KCNIP4: variants seen among roughly 807,000 people sequenced by gnomAD.
The protein encoded by KCNIP4 is Kv channel-interacting protein 4.
KCNIP4 carries 12 observed loss-of-function variants against 34.0 expected under a neutral mutation model. That is an observed-to-expected ratio of 0.35 (90% CI 0.23 to 0.57). The LOEUF (loss-of-function observed/expected upper bound fraction) is 0.57. KCNIP4 is among the 20% of genes least tolerant of loss of function. The pLI is 0.83. For missense variants in KCNIP4, 238 were observed against 311.7 expected, an observed-to-expected ratio of 0.76 and a Z score of 1.78; for synonymous variants, 124 against 102.2, an observed-to-expected ratio of 1.21 and a Z score of -1.29.
At chr4:21,664,028 T>C (rs551866064) in intron 1 of KCNIP4, among the ~76,000 whole-genome samples, 1 of 152,274 alleles carries the variant, frequency 6.6e-6, no homozygotes, top group African/African-American at 2.4e-5. Flanking sequence ...CACTGCAACC[T>C]CTGCCTCCCT....
chr4:21,302,008 CT>C (rs1711778160), intron 1 of KCNIP4, among the ~76,000 whole-genome samples: 1 of 152,106 alleles, frequency 6.6e-6, no homozygotes, highest in Non-Finnish European at 1.5e-5. Flanking sequence ...CTAACAATCA[CT>C]GGAAATCATA....
At chr4:20,770,485 A>C (rs892571587) in intron 3 of KCNIP4, among the ~76,000 whole-genome samples, 2 of 151,898 alleles carry the variant, frequency 1.3e-5, no homozygotes, top group Non-Finnish European at 2.9e-5. Flanking sequence ...AAAAAAAAAA[A>C]TACCGAGTAA....
intron 1 of KCNIP4, among the ~76,000 whole-genome samples, chr4:21,198,057 C>T (rs1239799049): frequency 6.6e-6 from 1 of 152,140 alleles, no homozygotes; most frequent in African/African-American, 2.4e-5. Context: ...ACCACTCTAG[C>T]CAAATACACA....
rs565138686 is a variant in KCNIP4, at chr4:21,712,169, T to C, written c.61+236402A>G. 2.3e-3 allele frequency among the ~76,000 whole-genome samples: 351 copies of C among 152,300 alleles called. 3 individuals are homozygous for C. Among genetic ancestry groups the C allele is most frequent in the Middle Eastern group, 3.4e-3 (1 of 294 alleles). ...AACACAACACACTTACTTAGAGCAA[T>C]AATAATAAATATTACAGAATAATAT... On this transcript the variant is annotated intron_variant, in intron 1 of 8. Transcript: ENST00000382152.
chr4:21,731,473 G>A (rs923247556), intron 1 of KCNIP4, among the ~76,000 whole-genome samples: 10 of 152,094 alleles, frequency 6.6e-5, no homozygotes, highest in Non-Finnish European at 4.4e-5. Flanking sequence ...TTCTAATCAC[G>A]CTGTATTTTA....
At chr4:21,189,017 G>A (rs1017055617) in intron 1 of KCNIP4, among the ~76,000 whole-genome samples, 1 of 152,132 alleles carries the variant, frequency 6.6e-6, no homozygotes, top group Admixed American at 6.5e-5. Context: ...GCATACTTGG[G>A]CAAAATTCTT....
chr4:21,862,689 AG>A (rs1335029106), intron 1 of KCNIP4, among the ~76,000 whole-genome samples: 1 of 152,180 alleles, frequency 6.6e-6, no homozygotes, highest in East Asian at 1.9e-4. Context: ...AACAGAATTA[AG>A]GGGCCCAGCG....
rs550560098 is a variant in KCNIP4 at position 21,720,279 on chromosome 4, AT to A, written c.61+228291del. On this transcript the variant is annotated intron_variant, in intron 1 of 8. Transcript: ENST00000382152. ...CATAAGTACAGTACATATTTCTCCA[AT>A]TTTTTTCATGTAAAATATAAATTGA... is the stretch of plus-strand genomic sequence containing the variant. Among the ~76,000 whole-genome samples, 418 of 151,984 alleles carry A rather than the reference AT, an allele frequency of 2.8e-3. 2 individuals are homozygous for A. The highest frequency in any genetic ancestry group is 9.3e-3 in the African/African-American group (384 of 41,470).
chr4:21,185,111 T>G (rs1281628913), intron 1 of KCNIP4, among the ~76,000 whole-genome samples: 2 of 152,222 alleles, frequency 1.3e-5, no homozygotes, highest in Non-Finnish European at 2.9e-5. Flanking sequence ...AGAATACACT[T>G]CACTTTTGGT....
At chr4:20,903,199 G>A (rs1442777326) in intron 1 of KCNIP4, among the ~76,000 whole-genome samples, 1 of 152,166 alleles carries the variant, frequency 6.6e-6, no homozygotes, top group African/African-American at 2.4e-5. Context: ...AAAGGCATAC[G>A]AGGAATTTAA....
At chr4:21,031,872 G>C (rs370724750) in intron 1 of KCNIP4, among the ~76,000 whole-genome samples, 1 of 152,166 alleles carries the variant, frequency 6.6e-6, no homozygotes, top group East Asian at 1.9e-4. Context: ...TAAAATGCCA[G>C]ATAGAAAATA....
At chr4:20,905,658 T>C (rs1727679879) in intron 1 of KCNIP4, among the ~76,000 whole-genome samples, 1 of 151,578 alleles carries the variant, frequency 6.6e-6, no homozygotes, top group Non-Finnish European at 1.5e-5. Flanking sequence ...ACTACAGACA[T>C]GTGTCACAAC....
At chr4:21,414,273 GA>G (rs1331154799) in intron 1 of KCNIP4, among the ~76,000 whole-genome samples, 19 of 152,000 alleles carry the variant, frequency 1.3e-4, no homozygotes, top group Non-Finnish European at 1.8e-4. Context: ...ATATCTTAGA[GA>G]AAAAAAGTAT....
chr4:21,608,498 A>G (rs929151193), intron 1 of KCNIP4, among the ~76,000 whole-genome samples: 3 of 152,118 alleles, frequency 2.0e-5, no homozygotes, highest in African/African-American at 7.2e-5. Flanking sequence ...AAAGGCATCA[A>G]TGGTGGCCGA....
intron 1 of KCNIP4, among the ~76,000 whole-genome samples, chr4:21,122,202 T>G (rs1750221587): frequency 1.3e-5 from 2 of 151,602 alleles, no homozygotes; most frequent in African/African-American, 4.9e-5. Context: ...TGCGTACACA[T>G]TTTGAAAATC....
intron 2 of KCNIP4, among the ~76,000 whole-genome samples, chr4:20,858,211 CAAAAAAAAAAAAAAAAAA>C (rs778798968): frequency 9.9e-5 from 7 of 70,706 alleles, no homozygotes; most frequent in Admixed American, 1.9e-4. Flanking sequence ...AACTCCATCT[CAAAAAAAAAAAAAAAAAA>C]AAAAAAAAAA....
intron 3 of KCNIP4, among the ~76,000 whole-genome samples, chr4:20,844,099 A>C (rs542377483): frequency 1.3e-5 from 2 of 152,306 alleles, no homozygotes; most frequent in African/African-American, 2.4e-5. Context: ...TAATATCCTA[A>C]ATTTTTAAAG....
chr4:21,737,246 A>G (rs1178762364), intron 1 of KCNIP4, among the ~76,000 whole-genome samples: 1 of 152,206 alleles, frequency 6.6e-6, no homozygotes, highest in African/African-American at 2.4e-5. Flanking sequence ...TGTTCTCATC[A>G]TTCACATCAA....
intron 1 of KCNIP4, among the ~76,000 whole-genome samples, chr4:21,194,809 C>G (rs76844567): frequency 1.1e-4 from 17 of 152,158 alleles, no homozygotes; most frequent in Admixed American, 3.3e-4. Flanking sequence ...CACAGCGAAC[C>G]CTGCTGCAAT....
Sources: allele counts gnomAD v4.1 joint callset (sites outside exome capture counted in the v4.1 genomes callset), GRCh38; gene constraint gnomAD v4.1.1; transcripts MANE v1.5; gene names NCBI Gene and HGNC (gene_info 2026-07-23, HGNC 2026-07-21).